USP49: variants seen among roughly 807,000 people sequenced by gnomAD.
USP49 encodes the protein ubiquitin specific peptidase 49.
A neutral mutation model predicts 58.6 loss-of-function variants in USP49; 24 were observed. That is an observed-to-expected ratio of 0.41 (90% CI 0.30 to 0.58). The LOEUF (loss-of-function observed/expected upper bound fraction) is 0.58. Among genes scored for constraint, USP49 ranks in the 20% least tolerant of loss-of-function variants. The pLI is 0.30. For synonymous variants in USP49, 408 were observed against 365.1 expected, an observed-to-expected ratio of 1.12 and a Z score of -1.34; for missense variants, 703 against 866.1, an observed-to-expected ratio of 0.81 and a Z score of 2.36.
chr6:41,869,080 C>CT (rs571000427), intron 3 of USP49, among the ~76,000 whole-genome samples: 42,176 of 137,764 alleles, frequency 0.31, 6,873 homozygotes, highest in African/African-American at 0.46. Flanking sequence ...TGTTCTTAGT[C>CT]TTTTTTTTTT....
chr6:41,828,147 A>G (rs1019245559), intron 3 of USP49, among the ~76,000 whole-genome samples: 2 of 152,148 alleles, frequency 1.3e-5, no homozygotes, highest in Admixed American at 6.6e-5. Flanking sequence ...ACCAAAACTA[A>G]TAAGAACTAA....
intron 3 of USP49, among the ~76,000 whole-genome samples, chr6:41,824,387 T>A (rs113326706): frequency 0.011 from 1,663 of 151,508 alleles, 28 homozygotes; most frequent in African/African-American, 0.037. Flanking sequence ...GCAAGGATAA[T>A]AAAAGTCCAA....
intron 3 of USP49, among the ~76,000 whole-genome samples, chr6:41,825,970 A>C (rs1490509900): frequency 6.6e-6 from 1 of 152,256 alleles, no homozygotes; most frequent in East Asian, 1.9e-4. Flanking sequence ...AGAACTAATA[A>C]GAACTAAACT....
At chr6:41,826,949 C>CAA (rs1313050927) in intron 3 of USP49, among the ~76,000 whole-genome samples, 2 of 152,210 alleles carry the variant, frequency 1.3e-5, no homozygotes, top group Non-Finnish European at 2.9e-5. Context: ...TACAACTACT[C>CAA]AAGCCTGTTG....
intron 2 of USP49, among the ~76,000 whole-genome samples, chr6:41,891,490 T>C (rs959813771): frequency 3.3e-5 from 5 of 152,224 alleles, no homozygotes; most frequent in African/African-American, 1.2e-4. Flanking sequence ...GTAAACAAGT[T>C]ACAATTTGCA....
intron 3 of USP49, among the ~76,000 whole-genome samples, chr6:41,831,312 C>A (rs1773629756): frequency 6.6e-6 from 1 of 152,096 alleles, no homozygotes; most frequent in Non-Finnish European, 1.5e-5. Flanking sequence ...ATCGCTTGAA[C>A]CCAGGGGGTG....
chr6:41,851,547 TA>T (rs1464374381), intron 3 of USP49, among the ~76,000 whole-genome samples: 3 of 152,112 alleles, frequency 2.0e-5, no homozygotes, highest in African/African-American at 7.2e-5. Context: ...GGTGAAAGAA[TA>T]AAAGCCTTTT....
rs1399928584 is a variant in USP49 at position 41,790,745 on chromosome 6, G to A, written c.*5788C>T. On this transcript the variant is annotated 3_prime_UTR_variant, in exon 8 of 8. Transcript: ENST00000682992. Reference sequence around the variant, plus strand: ...ATTGTTTGAGAATTAGATTTTTTTAGTATGTATATAAAAACAGCACCATTC... The same window carrying A: ...ATTGTTTGAGAATTAGATTTTTTTAATATGTATATAAAAACAGCACCATTC... The A allele has an allele frequency of 2.6e-5, 4 of 152,170 alleles. No homozygotes were observed. Among genetic ancestry groups the A allele is most frequent in the African/African-American group, 7.2e-5 (3 of 41,430 alleles). The allele number at this position is 152,170 out of a possible 1,614,324, so 9.4% of individuals were successfully genotyped here.
intron 3 of USP49, among the ~76,000 whole-genome samples, chr6:41,829,373 G>GGT (rs1773596530): frequency 2.6e-5 from 4 of 151,730 alleles, no homozygotes; most frequent in African/African-American, 9.7e-5. Context: ...GGAGTGCAAT[G>GGT]GCACGATCTT....
intron 2 of USP49, among the ~76,000 whole-genome samples, chr6:41,879,400 T>A (rs1454239851): frequency 5.3e-5 from 8 of 152,146 alleles, no homozygotes; most frequent in Non-Finnish European, 1.2e-4. Flanking sequence ...GGTTAATTTT[T>A]TTTTTTCTAG....
rs1288634481 is a variant in USP49, at chr6:41,794,117, C to T, written c.*2416G>A. 2.0e-5 allele frequency: 3 copies of T among 152,222 alleles called. No homozygotes were observed. The highest frequency in any genetic ancestry group is 2.9e-5 in the Non-Finnish European group (2 of 68,048). 9.4% of individuals were successfully genotyped at this position (152,222 alleles called of 1,614,324 possible). On this transcript the variant is annotated 3_prime_UTR_variant, in exon 8 of 8. Transcript: ENST00000682992. ...GGGAACTCTTCTTTAATAAAAATCT[C>T]CTTAAATACTAACGTCCTAAGTGTC...
intron 3 of USP49, among the ~76,000 whole-genome samples, chr6:41,852,990 A>G (rs1294574438): frequency 6.6e-6 from 1 of 152,100 alleles, no homozygotes; most frequent in African/African-American, 2.4e-5. Context: ...AGGAGTTCGA[A>G]ACCAGCCTAA....
rs775831160 is a variant in USP49 at position 41,798,891 on chromosome 6, T to G, written c.1709A>C (p.His570Pro). 1 of 1,613,912 alleles carries G rather than the reference T, an allele frequency of 6.2e-7. No individual in the cohort carries two copies. The highest frequency in any genetic ancestry group is 8.5e-7 in the Non-Finnish European group (1 of 1,179,952). ...GGTTAATACCTGGTCAAAGACGACATGGACCCCAATCTTCTCTCGATGATT... is the reference window on the plus strand; with the variant it reads ...GGTTAATACCTGGTCAAAGACGACAGGGACCCCAATCTTCTCTCGATGATT... ...GRNHREKIGV[H>P]VVFDQVLTME... Residue 570 changes from histidine to proline, a missense_variant, in exon 7 of 8, where the codon CAT becomes CCT. Physicochemically the swap from His to Pro is moderately conservative, Grantham distance 77. This residue lies in a region of USP49 where 158 missense variants were observed against 241.2 expected (regional missense o/e 0.66). Transcript: ENST00000682992.
intron 2 of USP49, chr6:41,887,454 C>G (rs1394585500): frequency 1.3e-5 from 2 of 152,210 alleles, no homozygotes; most frequent in Non-Finnish European, 1.5e-5. Context: ...AATCCCACAA[C>G]ACAACGTTTC....
Position 41,815,420 on chromosome 6 carries a change from CAA to C in USP49, c.-28-8411_-28-8410del, listed in dbSNP as rs768878126. On this transcript the variant is annotated intron_variant, in intron 3 of 7. Transcript: ENST00000682992. ...TGGGCGACAGAGTGAGACTCCGTCT[CAA>C]AAAAAAAAAAAGAGTGGGGGGCAGA... Among the ~76,000 whole-genome samples, 33 of 113,546 alleles carry C rather than the reference CAA, an allele frequency of 2.9e-4. 1 individual carries two copies. Among genetic ancestry groups the C allele is most frequent in the Non-Finnish European group, 5.1e-4 (27 of 53,262 alleles). 74.5% of individuals were successfully genotyped at this position (113,546 alleles called of 152,430 possible). A position where few individuals can be genotyped will look rare whatever the true frequency, so the allele number is the denominator to read the frequency against.
chr6:41,799,991 T>C, intron 5 of USP49, 53 bp from the exon 6 acceptor site: 1 of 1,506,664 alleles, frequency 6.6e-7, no homozygotes, highest in South Asian at 1.1e-5. Context: ...TTTTTCTAGC[T>C]ATGGCAGAGA....
chr6:41,867,994 A>G (rs1350543624), intron 3 of USP49, among the ~76,000 whole-genome samples: 1 of 152,198 alleles, frequency 6.6e-6, no homozygotes, highest in African/African-American at 2.4e-5. Flanking sequence ...AGTTACAGTG[A>G]CTTTTTCAGG....
intron 2 of USP49, among the ~76,000 whole-genome samples, chr6:41,888,417 A>G (rs999238817): frequency 1.6e-4 from 24 of 151,986 alleles, no homozygotes; most frequent in South Asian, 2.1e-4. Flanking sequence ...AAGAGTGGGG[A>G]AAAAAGGAAA....
intron 3 of USP49, 56 bp downstream of exon 3, chr6:41,871,508 C>T (rs986220140): frequency 2.0e-5 from 3 of 152,170 alleles, no homozygotes; most frequent in Admixed American, 1.3e-4. Flanking sequence ...ACACATAATA[C>T]TATTATTATA....
Sources: gnomAD v4.1 joint callset for allele counts (sites outside exome capture counted in the v4.1 genomes callset) on GRCh38, gnomAD v4.1.1 for gene constraint, gnomAD v4.1.1 regional missense constraint, MANE v1.5 for transcripts, NCBI Gene and HGNC (gene_info 2026-07-23, HGNC 2026-07-21) for gene names.